Variants in DTNBP1 observed in about 807,000 individuals in gnomAD.
The protein encoded by DTNBP1 is dystrobrevin binding protein 1, also known as dysbindin.
In DTNBP1, 35 loss-of-function variants were observed where a neutral mutation model predicts 42.8. The observed-to-expected ratio is 0.82, with a 90% CI of 0.63 to 1.09. The LOEUF (loss-of-function observed/expected upper bound fraction) is 1.09. Ranked by LOEUF, DTNBP1 falls within the 50% of genes least tolerant of loss-of-function variation. The pLI, the probability that DTNBP1 is intolerant of heterozygous loss-of-function variation, is 0.00. For synonymous variants in DTNBP1, 171 were observed against 162.2 expected (o/e 1.05, Z -0.41); for missense variants, 457 against 424.2 (o/e 1.08, Z -0.68).
At position 15,522,889 on chromosome 6, in the gene DTNBP1, T is replaced by G. The variant is rs1771994829; in HGVS notation, c.*86A>C. 1 of 1,611,558 alleles carries G rather than the reference T, an allele frequency of 6.2e-7. No individual in the cohort carries two copies. The highest frequency in any genetic ancestry group is 8.5e-7 in the Non-Finnish European group (1 of 1,178,884). On this transcript the variant is annotated 3_prime_UTR_variant, in exon 10 of 10. Transcript: ENST00000344537. ...CAATTATGTAAAAATCAAGAACCTC[T>G]ATAAAACAACCTGGCTTTCCAGGTG...
rs751317617 is a variant in DTNBP1 at position 15,593,995 on chromosome 6, C to T, written c.489-914G>A. Among the ~76,000 whole-genome samples, 109 of 152,308 alleles carry T rather than the reference C, an allele frequency of 7.2e-4. 1 individual carries two copies. The highest frequency in any genetic ancestry group is 6.5e-4 in the Non-Finnish European group (44 of 68,032). Reference sequence around the variant, plus strand: ...TACACTCAACAGCTGCTAGAAGAGACTGGCAAGCTGCCTACTGAAAGGCCA... The same window carrying T: ...TACACTCAACAGCTGCTAGAAGAGATTGGCAAGCTGCCTACTGAAAGGCCA... On this transcript the variant is annotated intron_variant, in intron 6 of 9. Coordinates refer to ENST00000344537, the MANE Select transcript of DTNBP1 (RefSeq NM_032122.5).
chr6:15,609,973 C>T (rs964148857), intron 6 of DTNBP1, among the ~76,000 whole-genome samples: 2 of 152,114 alleles, frequency 1.3e-5, no homozygotes, highest in Non-Finnish European at 2.9e-5. Context: ...GTTTGGCTGC[C>T]GGAGTTCTGG....
In DTNBP1 at chr6:15,554,641, G is replaced by T. The variant is rs576456528; in HGVS notation, c.512-21246C>A. 6.6e-5 allele frequency among the ~76,000 whole-genome samples: 10 copies of T among 152,272 alleles called. No individual in the cohort carries two copies. The East Asian group carries it at 1.7e-3, about 26-fold the overall frequency. ...GGAACAGAAATTGATGCTAAGCAGG[G>T]TGGCCACATGTACATATTCAATAAA... On this transcript the variant is annotated intron_variant, in intron 7 of 9. Coordinates refer to ENST00000344537, the MANE Select transcript of DTNBP1 (RefSeq NM_032122.5).
At chr6:15,552,988 G>C (rs186302139) in intron 7 of DTNBP1, among the ~76,000 whole-genome samples, 31 of 152,290 alleles carry the variant, frequency 2.0e-4, no homozygotes, top group Admixed American at 1.9e-3. Context: ...TAAGGAAAAA[G>C]TTTCATCTAA....
Position 15,615,403 on chromosome 6 carries a change from A to T in DTNBP1, c.356-4T>A. On this transcript the variant is annotated splice_polypyrimidine_tract_variant and splice_region_variant and intron_variant, in intron 5 of 9. Coordinates refer to ENST00000344537, the MANE Select transcript of DTNBP1 (RefSeq NM_032122.5). ...TCAAAACTCGCCTCTAAATGAGCTG[A>T]AAGTATATAAAAATAAACAGACCTC... 1.2e-6 allele frequency: 2 copies of T among 1,613,892 alleles called. No homozygotes were observed. Among genetic ancestry groups the T allele is most frequent in the Non-Finnish European group, 1.7e-6 (2 of 1,180,012 alleles).
chr6:15,623,346 C>T (rs998488768), intron 5 of DTNBP1, among the ~76,000 whole-genome samples: 8 of 152,182 alleles, frequency 5.3e-5, no homozygotes, highest in Non-Finnish European at 8.8e-5. Flanking sequence ...ACTCAGTATA[C>T]GGCTGCTATT....
At chr6:15,613,371 T>TC in intron 6 of DTNBP1, among the ~76,000 whole-genome samples, 1 of 125,920 alleles carries the variant, frequency 7.9e-6, no homozygotes, top group East Asian at 2.4e-4. Context: ...TTTTTTTTTT[T>TC]TTTTTTTTTT....
chr6:15,618,921 C>T (rs192718263), intron 5 of DTNBP1, among the ~76,000 whole-genome samples: 63 of 152,246 alleles, frequency 4.1e-4, no homozygotes, highest in Non-Finnish European at 6.8e-4. Flanking sequence ...TACTATCATT[C>T]GCAGCAACAT....
At chr6:15,609,961 G>C (rs534558785) in intron 6 of DTNBP1, among the ~76,000 whole-genome samples, 1 of 152,310 alleles carries the variant, frequency 6.6e-6, no homozygotes, top group East Asian at 1.9e-4. Context: ...CAGGGGATGT[G>C]AGTTTGGCTG....
intron 8 of DTNBP1, among the ~76,000 whole-genome samples, chr6:15,532,534 CAGTCAG>C (rs966515501): frequency 6.6e-6 from 1 of 152,010 alleles, no homozygotes; most frequent in Non-Finnish European, 1.5e-5. Context: ...ATGTACGGTC[CAGTCAG>C]ATACCAATTA....
intron 5 of DTNBP1, among the ~76,000 whole-genome samples, chr6:15,622,779 C>T (rs954533375): frequency 5.3e-5 from 8 of 152,144 alleles, no homozygotes; most frequent in East Asian, 1.9e-4. Flanking sequence ...GCAAGAAGGC[C>T]GTCCCAGAGG....
At chr6:15,616,622 ATAAT>A (rs1383775603) in intron 5 of DTNBP1, among the ~76,000 whole-genome samples, 3 of 152,238 alleles carry the variant, frequency 2.0e-5, no homozygotes, top group Admixed American at 2.0e-4. Flanking sequence ...CGGCTACAAT[ATAAT>A]TCCTTCATTT....
At chr6:15,660,853 T>A (rs1761566549) in intron 1 of DTNBP1, among the ~76,000 whole-genome samples, 1 of 152,142 alleles carries the variant, frequency 6.6e-6, no homozygotes, top group Non-Finnish European at 1.5e-5. Flanking sequence ...TCTTGTGCCA[T>A]CAAGGAATTC....
intron 7 of DTNBP1, among the ~76,000 whole-genome samples, chr6:15,540,416 G>A (rs1481265085): frequency 6.6e-6 from 1 of 152,090 alleles, no homozygotes; most frequent in African/African-American, 2.4e-5. Context: ...AATCATCAAA[G>A]GGGTTTTAAT....
intron 8 of DTNBP1, among the ~76,000 whole-genome samples, chr6:15,531,458 C>T (rs1442855363): frequency 6.6e-6 from 1 of 152,194 alleles, no homozygotes; most frequent in Non-Finnish European, 1.5e-5. Context: ...ATGGCAAAGG[C>T]TGACTCCAGA....
intron 9 of DTNBP1, chr6:15,523,448 C>CA: frequency 7.8e-7 from 1 of 1,285,908 alleles, no homozygotes; most frequent in Non-Finnish European, 1.0e-6. Flanking sequence ...GAGTCAGCCA[C>CA]ATGTGACACA....
intron 9 of DTNBP1, chr6:15,524,211 T>C: frequency 6.6e-7 from 1 of 1,517,444 alleles, no homozygotes; most frequent in Non-Finnish European, 8.8e-7. Context: ...CAAACGCCAG[T>C]CCTTAACCAC....
intron 7 of DTNBP1, among the ~76,000 whole-genome samples, chr6:15,568,961 C>T (rs1775216747): frequency 6.6e-6 from 1 of 152,130 alleles, no homozygotes; most frequent in Non-Finnish European, 1.5e-5. Context: ...CCCCTCAACC[C>T]CTGTGTTGTT....
At chr6:15,616,415 A>G (rs534502536) in intron 5 of DTNBP1, among the ~76,000 whole-genome samples, 1 of 152,182 alleles carries the variant, frequency 6.6e-6, no homozygotes, top group African/African-American at 2.4e-5. Context: ...GAGGGGAGGT[A>G]TATTTCAATG....
Sources: gnomAD v4.1 joint callset for allele counts (sites outside exome capture counted in the v4.1 genomes callset) on GRCh38, gnomAD v4.1.1 for gene constraint, MANE v1.5 for transcripts, NCBI Gene and HGNC (gene_info 2026-07-23, HGNC 2026-07-21) for gene names.